Variants in PTPRR observed in about 807,000 individuals in gnomAD.
PTPRR encodes protein tyrosine phosphatase receptor type R.
Under a neutral mutation model 77.2 loss-of-function variants are expected in PTPRR, and 38 were observed. That is an observed-to-expected ratio of 0.49 (90% CI 0.38 to 0.65). The LOEUF is 0.65. Ranked by LOEUF, PTPRR falls within the 30% of genes least tolerant of loss-of-function variation. The pLI, the probability that PTPRR is intolerant of heterozygous loss-of-function variation, is 0.00. For missense variants in PTPRR, 744 were observed against 799.2 expected (o/e 0.93, Z 0.83); for synonymous variants, 299 against 283.1 (o/e 1.06, Z -0.57).
chr12:70,843,942 A>T (rs1312027520), intron 2 of PTPRR, among the ~76,000 whole-genome samples: 2 of 150,748 alleles, frequency 1.3e-5, no homozygotes, highest in African/African-American at 4.9e-5. Context: ...CAGCCTCCCG[A>T]GTAGCTGGGT....
chr12:70,851,330 C>G (rs573908350), intron 2 of PTPRR, among the ~76,000 whole-genome samples: 1 of 152,170 alleles, frequency 6.6e-6, no homozygotes, highest in African/African-American at 2.4e-5. Context: ...AATGTCTTCA[C>G]AGAAGATGAT....
At chr12:70,773,660 G>A (rs1292507616) in intron 2 of PTPRR, among the ~76,000 whole-genome samples, 1 of 152,164 alleles carries the variant, frequency 6.6e-6, no homozygotes, top group African/African-American at 2.4e-5. Flanking sequence ...AGATCTTTCT[G>A]TTCCAGGTTA....
In PTPRR at chr12:70,892,740, A is replaced by G. The variant is rs764740498; in HGVS notation, c.296T>C (p.Met99Thr). 3.7e-6 allele frequency: 6 copies of G among 1,613,524 alleles called. No individual in the cohort carries two copies. Among genetic ancestry groups the G allele is most frequent in the South Asian group, 1.1e-5 (1 of 91,072 alleles). The change falls in exon 2 of 14, where the codon ATG becomes ACG. Residue 99 changes from methionine (M) to threonine (T), a missense_variant. By Grantham distance (81) the Met-to-Thr change is moderately conservative (BLOSUM62 -1). This residue lies in a region of PTPRR where 570 missense variants were observed against 573.2 expected (regional missense o/e 0.99). Coordinates refer to ENST00000283228, the MANE Select transcript of PTPRR (RefSeq NM_002849.4). The stretch of plus-strand genomic sequence containing the variant: ...TTCCACTTCAAGATCTTGACCATCC[A>G]TGGCCAGCAGATTGAGAGACGGGTC... ...AYDPSLNLLA[M>T]DGQDLEVENL...
intron 2 of PTPRR, among the ~76,000 whole-genome samples, chr12:70,831,324 G>A (rs1020060472): frequency 6.6e-6 from 1 of 152,116 alleles, no homozygotes; most frequent in African/African-American, 2.4e-5. Context: ...TTATCAGAAG[G>A]TACTACTTCA....
At chr12:70,661,294 G>A (rs1310706747) in intron 11 of PTPRR, 197 bp from the exon 12 acceptor site, 1 of 680,488 alleles carries the variant, frequency 1.5e-6, no homozygotes, top group Non-Finnish European at 2.6e-6. Flanking sequence ...TTTGCAAAGT[G>A]AGAAAGTCAT....
At chr12:70,906,332 T>G (rs1419656109) in intron 1 of PTPRR, among the ~76,000 whole-genome samples, 1 of 151,810 alleles carries the variant, frequency 6.6e-6, no homozygotes, top group African/African-American at 2.4e-5. Context: ...ATGGTCCTGA[T>G]TTTTTTTCTA....
At chr12:70,661,358 T>G (rs1886793983) in intron 11 of PTPRR, among the ~76,000 whole-genome samples, 1 of 152,172 alleles carries the variant, frequency 6.6e-6, no homozygotes, top group Admixed American at 6.5e-5. Context: ...ATCATATAAG[T>G]AACATATGCT....
intron 10 of PTPRR, among the ~76,000 whole-genome samples, chr12:70,663,619 A>G (rs1006482127): frequency 3.9e-5 from 6 of 152,220 alleles, no homozygotes; most frequent in Non-Finnish European, 7.3e-5. Flanking sequence ...TCAAGCATAC[A>G]TATAATCTCA....
chr12:70,655,813 A>C (rs1886554855), intron 13 of PTPRR, among the ~76,000 whole-genome samples: 1 of 152,244 alleles, frequency 6.6e-6, no homozygotes, highest in Non-Finnish European at 1.5e-5. Context: ...TTGGTTGTAC[A>C]ACAATGTGAA....
intron 2 of PTPRR, among the ~76,000 whole-genome samples, chr12:70,767,549 C>G (rs1327354686): frequency 6.6e-6 from 1 of 152,042 alleles, no homozygotes; most frequent in African/African-American, 2.4e-5. Flanking sequence ...GACTTAGACT[C>G]CTACACAATA....
intron 6 of PTPRR, among the ~76,000 whole-genome samples, chr12:70,712,193 T>TGGAA (rs1888850161): frequency 6.6e-6 from 1 of 151,914 alleles, no homozygotes; most frequent in Admixed American, 6.6e-5. Context: ...AGTCTTCAGG[T>TGGAA]GGAAGGAAGG....
chr12:70,660,178 T>TAATAAATAAATA lies in PTPRR; in HGVS notation c.1766+750_1766+761dup, dbSNP rs57676991. ...GGTGATAGAGTGAGACTCTGTCTCA[T>TAATAAATAAATA]AATAAATAAATAAATAAATAAATAA... On this transcript the variant is annotated intron_variant, in intron 12 of 13. Coordinates refer to ENST00000283228, the MANE Select transcript of PTPRR (RefSeq NM_002849.4). Among the ~76,000 whole-genome samples the TAATAAATAAATA allele has an allele frequency of 1.2e-3, 163 of 141,046 alleles. 1 individual carries two copies. The highest frequency in any genetic ancestry group is 2.4e-3 in the Admixed American group (34 of 14,060). 92.5% of individuals were successfully genotyped at this position (141,046 alleles called of 152,430 possible).
intron 1 of PTPRR, among the ~76,000 whole-genome samples, chr12:70,897,337 A>G (rs1893447763): frequency 2.0e-5 from 3 of 151,928 alleles, no homozygotes; most frequent in Admixed American, 1.3e-4. Context: ...ATCAAAAAGG[A>G]GGCAAAGGAT....
At chr12:70,767,742 C>G (rs1890864191) in intron 2 of PTPRR, among the ~76,000 whole-genome samples, 1 of 152,094 alleles carries the variant, frequency 6.6e-6, no homozygotes, top group South Asian at 2.1e-4. Context: ...ACACCTGTTC[C>G]AAAATTGACC....
At chr12:70,688,496 C>A (rs1042822234) in intron 8 of PTPRR, among the ~76,000 whole-genome samples, 51 of 152,132 alleles carry the variant, frequency 3.4e-4, no homozygotes, top group Admixed American at 1.3e-4. Context: ...ACCACAGTAT[C>A]ACTTCATACC....
At chr12:70,659,723 T>G (rs575092585) in intron 12 of PTPRR, among the ~76,000 whole-genome samples, 17 of 152,254 alleles carry the variant, frequency 1.1e-4, no homozygotes, top group Admixed American at 9.2e-4. Flanking sequence ...AATAGACACA[T>G]AGTAAACTTT....
intron 2 of PTPRR, among the ~76,000 whole-genome samples, chr12:70,860,244 T>C (rs981437953): frequency 6.6e-6 from 1 of 152,122 alleles, no homozygotes; most frequent in Admixed American, 6.6e-5. Flanking sequence ...AGTACATACA[T>C]CTTGTGTAAA....
chr12:70,717,297 A>G (rs1889068657), intron 6 of PTPRR, among the ~76,000 whole-genome samples: 1 of 152,162 alleles, frequency 6.6e-6, no homozygotes, highest in Non-Finnish European at 1.5e-5. Context: ...ATTGAGCACT[A>G]ACATTCTTTT....
intron 2 of PTPRR, among the ~76,000 whole-genome samples, chr12:70,853,647 C>T (rs1892606926): frequency 6.6e-6 from 1 of 152,140 alleles, no homozygotes; most frequent in Non-Finnish European, 1.5e-5. Context: ...TGTACCAAGC[C>T]CTGGGGTCCT....
Sources: gnomAD v4.1 joint callset for allele counts (sites outside exome capture counted in the v4.1 genomes callset) on GRCh38, gnomAD v4.1.1 for gene constraint, gnomAD v4.1.1 regional missense constraint, MANE v1.5 for transcripts, NCBI Gene and HGNC (gene_info 2026-07-23, HGNC 2026-07-21) for gene names.